Variants in FHIT observed in about 807,000 individuals in gnomAD.
FHIT encodes fragile histidine triad diadenosine triphosphatase.
Under a neutral mutation model 17.9 loss-of-function variants are expected in FHIT, and 19 were observed. The observed-to-expected ratio is 1.06, with a 90% CI of 0.74 to 1.56. The LOEUF is 1.56. FHIT is among the 40% of genes most tolerant of loss of function. The pLI is 0.00. For missense variants in FHIT, 248 were observed against 189.2 expected (o/e 1.31, Z -1.82); for synonymous variants, 81 against 69.7 (o/e 1.16, Z -0.81).
At chr3:60,114,954 A>C (rs917221572) in intron 5 of FHIT, among the ~76,000 whole-genome samples, 3 of 152,170 alleles carry the variant, frequency 2.0e-5, no homozygotes, top group Non-Finnish European at 2.9e-5. Flanking sequence ...AGATTCTAGG[A>C]AGAAAGAGCT....
chr3:59,780,389 T>C (rs1702525752), intron 8 of FHIT, among the ~76,000 whole-genome samples: 1 of 152,244 alleles, frequency 6.6e-6, no homozygotes, highest in South Asian at 2.1e-4. Flanking sequence ...ACAAAATGTG[T>C]TGCAACTGGA....
chr3:60,455,403 C>A (rs910941526), intron 5 of FHIT, among the ~76,000 whole-genome samples: 9 of 152,224 alleles, frequency 5.9e-5, no homozygotes, highest in Admixed American at 2.0e-4. Context: ...GACTGATGAG[C>A]CTTCATCATA....
chr3:60,957,233 CTTTTTTTTTTTT>C (rs35221092), intron 3 of FHIT, among the ~76,000 whole-genome samples: 1 of 97,140 alleles, frequency 1.0e-5, no homozygotes, highest in Non-Finnish European at 2.0e-5. Context: ...TTCTTTCTTT[CTTTTTTTTTTTT>C]TTTTTTTTTT....
At chr3:61,178,512 C>A (rs1286302033) in intron 2 of FHIT, among the ~76,000 whole-genome samples, 2 of 146,414 alleles carry the variant, frequency 1.4e-5, no homozygotes, top group Non-Finnish European at 1.5e-5. Context: ...GGCCTGTAAG[C>A]CAAATTTTAT....
At chr3:59,779,856 T>G (rs2166790) in intron 8 of FHIT, among the ~76,000 whole-genome samples, 5,737 of 152,160 alleles carry the variant, frequency 0.038, 152 homozygotes, top group South Asian at 0.091. Context: ...ATAAACAAAT[T>G]GTAAGGAAAC....
At chr3:60,796,353 C>G (rs1335229361) in intron 4 of FHIT, among the ~76,000 whole-genome samples, 1 of 151,872 alleles carries the variant, frequency 6.6e-6, no homozygotes, top group African/African-American at 2.4e-5. Flanking sequence ...TGCATTTTTT[C>G]CAGTTTTTTG....
chr3:59,927,538 C>T (rs922309792), intron 7 of FHIT, among the ~76,000 whole-genome samples: 7 of 151,004 alleles, frequency 4.6e-5, no homozygotes, highest in Middle Eastern at 3.4e-3. Flanking sequence ...GAGGCCGAGG[C>T]GGGCGGATCA....
At chr3:61,214,829 C>T (rs183803200) in intron 1 of FHIT, among the ~76,000 whole-genome samples, 9 of 152,324 alleles carry the variant, frequency 5.9e-5, no homozygotes, top group Admixed American at 2.6e-4. Context: ...GGGCTTCATC[C>T]CTGGGATGCA....
At chr3:61,214,391 A>T (rs566461439) in intron 1 of FHIT, among the ~76,000 whole-genome samples, 105 of 152,378 alleles carry the variant, frequency 6.9e-4, no homozygotes, top group African/African-American at 2.5e-3. Context: ...CTGCACAAAT[A>T]AACTAGAAAA....
At chr3:60,033,215 G>T (rs1414424134) in intron 5 of FHIT, among the ~76,000 whole-genome samples, 4 of 152,000 alleles carry the variant, frequency 2.6e-5, no homozygotes, top group African/African-American at 9.7e-5. Context: ...TATGATAATG[G>T]GGCCAGGTGC....
chr3:61,067,246 C>A (rs6797465), intron 2 of FHIT, among the ~76,000 whole-genome samples: 15,695 of 152,126 alleles, frequency 0.1, 887 homozygotes, highest in Middle Eastern at 0.22. Context: ...CCAAGACAAT[C>A]CTTAGACTCA....
At chr3:60,197,624 T>C (rs1389867382) in intron 5 of FHIT, among the ~76,000 whole-genome samples, 1 of 152,198 alleles carries the variant, frequency 6.6e-6, no homozygotes, top group African/African-American at 2.4e-5. Context: ...GAAAATGGAA[T>C]CCAGCTTTTG....
At position 59,755,059 on chromosome 3, in the gene FHIT, G is replaced by A. The variant is rs139539231; in HGVS notation, c.349-2738C>T. ...GGTGCACTTACTGTTGAGAATCACT[G>A]CTTTTTGGGAGAAGTGTGTAGATAG... On this transcript the variant is annotated intron_variant, in intron 8 of 9. Coordinates refer to ENST00000492590, the MANE Select transcript of FHIT (RefSeq NM_002012.4). Among the ~76,000 whole-genome samples the A allele has an allele frequency of 5.9e-5, 9 of 152,240 alleles. No individual in the cohort carries two copies. In the East Asian group the frequency reaches 1.7e-3, roughly 29 times the overall value.
chr3:60,732,547 T>C (rs1298001063), intron 4 of FHIT: 13 of 645,478 alleles, frequency 2.0e-5, no homozygotes, highest in Non-Finnish European at 3.9e-5. Flanking sequence ...CTGCTGTCTT[T>C]GGAACCTCGT....
At chr3:60,167,272 T>C (rs999960340) in intron 5 of FHIT, among the ~76,000 whole-genome samples, 6 of 152,248 alleles carry the variant, frequency 3.9e-5, no homozygotes, top group African/African-American at 4.8e-5. Context: ...TCTGGAACAA[T>C]AGAAGTATGA....
intron 5 of FHIT, among the ~76,000 whole-genome samples, chr3:60,338,457 G>C (rs1195585449): frequency 2.0e-5 from 3 of 152,128 alleles, no homozygotes; most frequent in Non-Finnish European, 1.5e-5. Flanking sequence ...GCTTCTCAAA[G>C]TTCTGTGATT....
chr3:60,312,789 C>T (rs1481864162), intron 5 of FHIT, among the ~76,000 whole-genome samples: 1 of 152,174 alleles, frequency 6.6e-6, no homozygotes, highest in African/African-American at 2.4e-5. Flanking sequence ...TATACACACA[C>T]ACAATTTTTT....
rs1423629648 is a variant in FHIT at position 59,992,097 on chromosome 3, G to C, written c.279+19274C>G. Among the ~76,000 whole-genome samples the C allele has an allele frequency of 3.9e-5, 6 of 152,124 alleles. No individual in the cohort carries two copies. The East Asian group carries it at 1.2e-3, about 30-fold the overall frequency. On this transcript the variant is annotated intron_variant, in intron 7 of 9. Coordinates refer to ENST00000492590, the MANE Select transcript of FHIT (RefSeq NM_002012.4). ...AGAAAACAATGAAAGATTTGTCCAAGGCTGTAGAACTAAACAGTATTGGAT... is the reference window on the plus strand; with the variant it reads ...AGAAAACAATGAAAGATTTGTCCAACGCTGTAGAACTAAACAGTATTGGAT...
chr3:60,487,237 C>G (rs2362894), intron 5 of FHIT, among the ~76,000 whole-genome samples: 13,849 of 152,152 alleles, frequency 0.091, 1,058 homozygotes, highest in East Asian at 0.39. Context: ...GTACCCAGCA[C>G]GTGGGCACAA....
Sources: gnomAD v4.1 joint callset for allele counts (sites outside exome capture counted in the v4.1 genomes callset) on GRCh38, gnomAD v4.1.1 for gene constraint, MANE v1.5 for transcripts, NCBI Gene and HGNC (gene_info 2026-07-23, HGNC 2026-07-21) for gene names.